The following EEFSEC variants were observed in gnomAD, a reference collection of about 807,000 sequenced individuals.
EEFSEC encodes selenocysteine-specific elongation factor.
A neutral mutation model predicts 42.1 loss-of-function variants in EEFSEC; 43 were observed. The observed-to-expected ratio is 1.02, with a 90% confidence interval of 0.80 to 1.32. EEFSEC has a LOEUF of 1.32. Among genes scored for constraint, EEFSEC ranks in the 40% most tolerant of loss-of-function variants. EEFSEC has a pLI of 0.00. For synonymous variants in EEFSEC, 354 were observed against 339.1 expected, an observed-to-expected ratio of 1.04 and a Z score of -0.48; for missense variants, 745 against 803.6, an observed-to-expected ratio of 0.93 and a Z score of 0.88.
intron 1 of EEFSEC, among the ~76,000 whole-genome samples, chr3:128,232,452 G>A (rs1053095250): frequency 6.6e-6 from 1 of 152,194 alleles, no homozygotes; most frequent in African/African-American, 2.4e-5. Flanking sequence ...CCCGGAATGG[G>A]AAGTTCACAT....
At chr3:128,348,253 CGTGTGT>C (rs761445739) in intron 5 of EEFSEC, among the ~76,000 whole-genome samples, 41 of 101,926 alleles carry the variant, frequency 4.0e-4, no homozygotes, top group Middle Eastern at 4.1e-3. Context: ...AGTGTGCATG[CGTGTGT>C]GTGTGTGTGT....
At chr3:128,367,551 T>C in intron 6 of EEFSEC, 1 of 812,242 alleles carries the variant, frequency 1.2e-6, no homozygotes, top group Non-Finnish European at 1.5e-6. Context: ...TGGACTCCTG[T>C]GCCTGTAAGC....
intron 1 of EEFSEC, among the ~76,000 whole-genome samples, chr3:128,157,371 A>G (rs1382804108): frequency 6.6e-6 from 1 of 152,248 alleles, no homozygotes; most frequent in African/African-American, 2.4e-5. Flanking sequence ...TCTAGCTAAG[A>G]TCATTGATGA....
chr3:128,418,831 T>C, the EEFSEC span, among the ~76,000 whole-genome samples: 3 of 152,254 alleles, frequency 2.0e-5, no homozygotes, highest in African/African-American at 7.2e-5. Context: ...TTGGGGTTGG[T>C]CACCCCTCAA....
At chr3:128,422,110 A>G in the EEFSEC span, among the ~76,000 whole-genome samples, 3 of 152,092 alleles carry the variant, frequency 2.0e-5, no homozygotes, top group African/African-American at 7.2e-5. Context: ...TTCAGCCTCC[A>G]GACCTACAGA....
chr3:128,203,743 G>A (rs1395613955), intron 1 of EEFSEC, among the ~76,000 whole-genome samples: 1 of 152,196 alleles, frequency 6.6e-6, no homozygotes, highest in Non-Finnish European at 1.5e-5. Flanking sequence ...GGATAAAGTT[G>A]TAACAGAAGT....
intron 5 of EEFSEC, among the ~76,000 whole-genome samples, chr3:128,348,098 TCTGCCCA>T (rs1436241917): frequency 1.3e-5 from 2 of 152,168 alleles, no homozygotes; most frequent in Non-Finnish European, 2.9e-5. Context: ...AGACAAAATC[TCTGCCCA>T]CATGGAACTT....
chr3:128,201,860 T>A (rs542057906), intron 1 of EEFSEC, among the ~76,000 whole-genome samples: 39 of 152,360 alleles, frequency 2.6e-4, no homozygotes, highest in Middle Eastern at 3.4e-3. Flanking sequence ...CTGTAATCTA[T>A]CTTGAATTAG....
intron 6 of EEFSEC, among the ~76,000 whole-genome samples, chr3:128,373,577 C>T (rs2067677949): frequency 6.6e-6 from 1 of 152,158 alleles, no homozygotes; most frequent in Non-Finnish European, 1.5e-5. Flanking sequence ...GTGAGCAACC[C>T]CTAGCTGGGG....
At chr3:128,420,537 G>A in the EEFSEC span, among the ~76,000 whole-genome samples, 18,707 of 152,194 alleles carry the variant, frequency 0.12, 1,536 homozygotes, top group East Asian at 0.29. Flanking sequence ...GATCCCTGCA[G>A]TTGGATGGGA....
chr3:128,242,981 A>G (rs2066087755), intron 1 of EEFSEC, among the ~76,000 whole-genome samples: 1 of 152,174 alleles, frequency 6.6e-6, no homozygotes, highest in African/African-American at 2.4e-5. Context: ...ACTACTAGGG[A>G]TTTTGAAAAA....
At chr3:128,326,801 C>T (rs751455286) in intron 4 of EEFSEC, among the ~76,000 whole-genome samples, 33 of 152,110 alleles carry the variant, frequency 2.2e-4, no homozygotes, top group Non-Finnish European at 4.4e-4. Flanking sequence ...TCATGAATTT[C>T]CTGTAGCAAA....
intron 4 of EEFSEC, among the ~76,000 whole-genome samples, chr3:128,288,249 C>G (rs2066607458): frequency 1.3e-5 from 2 of 152,140 alleles, no homozygotes. Context: ...AGACAAAACT[C>G]GGCTCTGAGG....
chr3:128,153,586 C>T lies in EEFSEC; in HGVS notation c.79C>T (p.Leu27=), dbSNP rs76431722. 2.0e-5 allele frequency: 32 copies of T among 1,571,914 alleles called. No homozygotes were observed. The highest frequency in any genetic ancestry group is 5.3e-5 in the Admixed American group (3 of 56,766). Residue 27 remains leucine (L), a synonymous_variant, in exon 1 of 7, where the codon CTA becomes TTA. Transcript: ENST00000254730. ...CGGCAAGACGGCGCTGGCGCGGGCG[C>T]TAAGCACCACAGCCTCCACCGCCGC... The part of the protein sequence containing the change: ...DSGKTALARA[L]STTASTAAFD...
At chr3:128,396,543 C>A (rs1281975925) in intron 6 of EEFSEC, among the ~76,000 whole-genome samples, 1 of 152,200 alleles carries the variant, frequency 6.6e-6, no homozygotes, top group African/African-American at 2.4e-5. Flanking sequence ...CTCCCAAAGC[C>A]CCCATCCATG....
intron 1 of EEFSEC, among the ~76,000 whole-genome samples, chr3:128,231,673 A>T (rs1463015744): frequency 6.6e-6 from 1 of 151,940 alleles, no homozygotes; most frequent in Non-Finnish European, 1.5e-5. Context: ...ACCCTGCCCC[A>T]GGATCCAAGG....
At chr3:128,391,127 C>T (rs1313794328) in intron 6 of EEFSEC, among the ~76,000 whole-genome samples, 2 of 152,254 alleles carry the variant, frequency 1.3e-5, no homozygotes, top group African/African-American at 4.8e-5. Context: ...GCCCCGCCCC[C>T]GGTGCATGCC....
intron 6 of EEFSEC, among the ~76,000 whole-genome samples, chr3:128,387,958 G>C (rs1200969372): frequency 2.0e-5 from 3 of 152,210 alleles, no homozygotes; most frequent in Non-Finnish European, 4.4e-5. Flanking sequence ...ATTTAGGCAT[G>C]AGGGTGCCAC....
chr3:128,172,569 G>A (rs2065309892), intron 1 of EEFSEC, among the ~76,000 whole-genome samples: 1 of 152,184 alleles, frequency 6.6e-6, no homozygotes, highest in Admixed American at 6.5e-5. Context: ...AAAGTGCTGG[G>A]ATTACAGGTG....
Sources: gnomAD v4.1 joint callset for allele counts (sites outside exome capture counted in the v4.1 genomes callset) on GRCh38, gnomAD v4.1.1 for gene constraint, MANE v1.5 for transcripts, NCBI Gene and HGNC (gene_info 2026-07-23, HGNC 2026-07-21) for gene names.